Variants in LRMDA observed in about 807,000 individuals in gnomAD.
LRMDA encodes leucine rich melanocyte differentiation associated, also known as leucine-rich melanocyte differentiation-associated protein.
Under a neutral mutation model 29.8 loss-of-function variants are expected in LRMDA, and 18 were observed. The observed-to-expected ratio is 0.60, with a 90% confidence interval of 0.42 to 0.90. The LOEUF is 0.90. Ranked by LOEUF, LRMDA falls within the 40% of genes least tolerant of loss-of-function variation. The pLI, the probability that LRMDA is intolerant of heterozygous loss-of-function variation, is 0.00. For synonymous variants in LRMDA, 125 were observed against 109.4 expected (o/e 1.14, Z -0.89); for missense variants, 273 against 273.9 (o/e 1.00, Z 0.02).
intron 5 of LRMDA, among the ~76,000 whole-genome samples, chr10:76,279,958 A>T (rs987076284): frequency 6.6e-6 from 1 of 152,214 alleles, no homozygotes; most frequent in East Asian, 1.9e-4. Context: ...TTTGAATCCA[A>T]TCAACCTCTG....
chr10:76,194,635 C>T (rs908123046), intron 5 of LRMDA, among the ~76,000 whole-genome samples: 4 of 152,124 alleles, frequency 2.6e-5, no homozygotes, highest in Admixed American at 1.3e-4. Context: ...AGTTGGAAAA[C>T]GTTAGGCTTT....
chr10:75,459,424 C>T (rs1200899226), intron 2 of LRMDA, among the ~76,000 whole-genome samples: 1 of 152,172 alleles, frequency 6.6e-6, no homozygotes, highest in Non-Finnish European at 1.5e-5. Context: ...GAGGCCTCAA[C>T]CATACCTCTT....
chr10:75,751,325 G>A (rs1842966849), intron 2 of LRMDA, among the ~76,000 whole-genome samples: 1 of 151,508 alleles, frequency 6.6e-6, no homozygotes, highest in Non-Finnish European at 1.5e-5. Flanking sequence ...GAGAGGGAGA[G>A]GGAGACCGGG....
intron 2 of LRMDA, among the ~76,000 whole-genome samples, chr10:75,994,977 T>C (rs1380665925): frequency 2.0e-5 from 3 of 152,232 alleles, no homozygotes; most frequent in Non-Finnish European, 4.4e-5. Flanking sequence ...TGTGGCTGCT[T>C]CATACCTCTC....
At chr10:75,682,757 C>T (rs1202082067) in intron 2 of LRMDA, among the ~76,000 whole-genome samples, 4 of 152,160 alleles carry the variant, frequency 2.6e-5, no homozygotes, top group Non-Finnish European at 5.9e-5. Flanking sequence ...GTTTTATTTT[C>T]TTCCTCACAA....
At chr10:75,666,244 A>G (rs1042916848) in intron 2 of LRMDA, among the ~76,000 whole-genome samples, 53 of 152,204 alleles carry the variant, frequency 3.5e-4, no homozygotes, top group Non-Finnish European at 4.9e-4. Flanking sequence ...CAGTATGTTT[A>G]TATGACCACA....
intron 2 of LRMDA, among the ~76,000 whole-genome samples, chr10:75,625,098 A>T (rs1027380345): frequency 2.0e-5 from 3 of 152,190 alleles, no homozygotes. Context: ...AGCTTTGCAG[A>T]CACCAGCCAC....
chr10:75,839,700 C>CTTTTTTTTTTTTTTTTTTTTT, intron 2 of LRMDA, among the ~76,000 whole-genome samples: 1 of 82,782 alleles, frequency 1.2e-5, no homozygotes, highest in Non-Finnish European at 2.2e-5. Flanking sequence ...ATCCGACTTT[C>CTTTTTTTTTTTTTTTTTTTTT]TTTTTTTTTT....
intron 2 of LRMDA, among the ~76,000 whole-genome samples, chr10:75,903,366 A>C (rs763160220): frequency 6.6e-6 from 1 of 152,206 alleles, no homozygotes; most frequent in Admixed American, 6.5e-5. Context: ...AAATTGGTAC[A>C]TTAGGGCAAA....
chr10:75,801,203 C>G (rs1014267088), intron 2 of LRMDA, among the ~76,000 whole-genome samples: 4 of 152,234 alleles, frequency 2.6e-5, no homozygotes, highest in South Asian at 2.1e-4. Context: ...CCTCAAGCAT[C>G]TACTGTTCAG....
At chr10:76,136,996 C>T (rs1281422079) in intron 5 of LRMDA, among the ~76,000 whole-genome samples, 5 of 152,180 alleles carry the variant, frequency 3.3e-5, no homozygotes, top group African/African-American at 1.2e-4. Context: ...CCCTCCTGTA[C>T]AGCTCATGTT....
At chr10:75,584,413 T>C (rs1479248633) in intron 2 of LRMDA, among the ~76,000 whole-genome samples, 1 of 152,194 alleles carries the variant, frequency 6.6e-6, no homozygotes, top group African/African-American at 2.4e-5. Context: ...TGTGTCTTTT[T>C]CCCCATACAA....
intron 5 of LRMDA, among the ~76,000 whole-genome samples, chr10:76,273,253 A>G (rs1408053815): frequency 6.6e-6 from 1 of 152,184 alleles, no homozygotes; most frequent in Non-Finnish European, 1.5e-5. Context: ...GTTTTGGGCT[A>G]GTATTTACCA....
intron 3 of LRMDA, among the ~76,000 whole-genome samples, chr10:76,038,183 G>A (rs2395337): frequency 7.2e-4 from 110 of 152,268 alleles, no homozygotes; most frequent in African/African-American, 2.4e-3. Context: ...CATATTTAGC[G>A]GTGTGACCTT....
chr10:75,897,897 A>C (rs1845611115), intron 2 of LRMDA, among the ~76,000 whole-genome samples: 1 of 129,930 alleles, frequency 7.7e-6, no homozygotes, highest in Non-Finnish European at 1.5e-5. Context: ...ATCTCGGCTC[A>C]CTGCAACCTC....
intron 2 of LRMDA, among the ~76,000 whole-genome samples, chr10:75,449,573 C>G (rs1844436230): frequency 1.3e-5 from 2 of 150,094 alleles, no homozygotes; most frequent in South Asian, 4.2e-4. Flanking sequence ...AGTCACTATA[C>G]CAGGGTCTGA....
At chr10:76,509,798 C>T (rs1466184588) in intron 6 of LRMDA, among the ~76,000 whole-genome samples, 1 of 152,084 alleles carries the variant, frequency 6.6e-6, no homozygotes, top group Admixed American at 6.5e-5. Flanking sequence ...TCACTGTAAG[C>T]GCAGGGCAGG....
intron 2 of LRMDA, among the ~76,000 whole-genome samples, chr10:75,553,998 T>C (rs1840185006): frequency 6.6e-6 from 1 of 152,188 alleles, no homozygotes; most frequent in African/African-American, 2.4e-5. Flanking sequence ...TTCTTTTTAT[T>C]TACTTTTTTG....
At chr10:76,374,619 CGACACA>C (rs1330319934) in intron 6 of LRMDA, among the ~76,000 whole-genome samples, 2 of 152,080 alleles carry the variant, frequency 1.3e-5, no homozygotes, top group Non-Finnish European at 2.9e-5. Flanking sequence ...CTTGAGTATA[CGACACA>C]AATAAGCAGC....
Sources: allele counts gnomAD v4.1 joint callset (sites outside exome capture counted in the v4.1 genomes callset), GRCh38; gene constraint gnomAD v4.1.1; transcripts MANE v1.5; gene names NCBI Gene and HGNC (gene_info 2026-07-23, HGNC 2026-07-21).